The following TAFA4 variants were observed in gnomAD, a reference collection of about 807,000 sequenced individuals.
TAFA4 encodes the protein TAFA chemokine like family member 4.
In TAFA4, 20 loss-of-function variants were observed where a neutral mutation model predicts 21.1. The ratio of observed to expected loss-of-function variants is 0.95; its 90% CI spans 0.67 to 1.38. TAFA4 has a LOEUF of 1.38. TAFA4 is among the 40% of genes most tolerant of loss of function. TAFA4 has a pLI of 0.00. For synonymous variants in TAFA4, 71 were observed against 67.4 expected, an observed-to-expected ratio of 1.05 and a Z score of -0.26; for missense variants, 211 against 180.9, an observed-to-expected ratio of 1.17 and a Z score of -0.95.
chr3:68,803,797 C>CTGTTTTTTTTT (rs1703626423), intron 3 of TAFA4, among the ~76,000 whole-genome samples: 1 of 81,592 alleles, frequency 1.2e-5, no homozygotes, highest in African/African-American at 5.0e-5. Flanking sequence ...ATCTCTGATT[C>CTGTTTTTTTTT]TTTTTTTTTT....
chr3:68,894,470 A>C (rs551150238), intron 1 of TAFA4, among the ~76,000 whole-genome samples: 42 of 152,304 alleles, frequency 2.8e-4, no homozygotes, highest in African/African-American at 9.1e-4. Flanking sequence ...CTATAACACA[A>C]GTCTATGCTA....
intron 3 of TAFA4, among the ~76,000 whole-genome samples, chr3:68,843,599 T>A (rs1319392134): frequency 1.3e-5 from 2 of 152,206 alleles, no homozygotes; most frequent in African/African-American, 4.8e-5. Flanking sequence ...TTGTGCGAGT[T>A]TTCAAGGGGA....
At chr3:68,837,794 G>C (rs1704557265) in intron 3 of TAFA4, among the ~76,000 whole-genome samples, 1 of 151,982 alleles carries the variant, frequency 6.6e-6, no homozygotes, top group African/African-American at 2.4e-5. Flanking sequence ...AAATATCAAT[G>C]GGAGATTTGT....
At chr3:68,896,328 G>C (rs2089788822) in intron 1 of TAFA4, among the ~76,000 whole-genome samples, 1 of 152,102 alleles carries the variant, frequency 6.6e-6, no homozygotes, top group Non-Finnish European at 1.5e-5. Flanking sequence ...CTGATGTGGG[G>C]GCAGGATCGG....
At chr3:68,907,188 G>A (rs1278224992) in intron 1 of TAFA4, among the ~76,000 whole-genome samples, 1 of 152,130 alleles carries the variant, frequency 6.6e-6, no homozygotes, top group Non-Finnish European at 1.5e-5. Context: ...AAGCAAGGGA[G>A]AGAAGATTTG....
intron 1 of TAFA4, among the ~76,000 whole-genome samples, chr3:68,902,613 C>T (rs561825834): frequency 1.8e-3 from 275 of 152,316 alleles, no homozygotes; most frequent in African/African-American, 6.3e-3. Flanking sequence ...AGCAATCCAC[C>T]TACCACAGGC....
At chr3:68,826,187 C>T (rs1194156432) in intron 3 of TAFA4, among the ~76,000 whole-genome samples, 1 of 152,144 alleles carries the variant, frequency 6.6e-6, no homozygotes, top group Non-Finnish European at 1.5e-5. Flanking sequence ...AGTCGGAAGG[C>T]CCAGATTTGA....
intron 3 of TAFA4, among the ~76,000 whole-genome samples, chr3:68,828,702 G>A (rs1222626019): frequency 1.3e-5 from 2 of 152,158 alleles, no homozygotes; most frequent in Non-Finnish European, 1.5e-5. Flanking sequence ...GTACAGGAAT[G>A]CTTGTGATTT....
At chr3:68,876,135 T>C (rs569490250) in intron 3 of TAFA4, among the ~76,000 whole-genome samples, 1 of 152,342 alleles carries the variant, frequency 6.6e-6, no homozygotes, top group South Asian at 2.1e-4. Flanking sequence ...TATTGAGCAC[T>C]TGAAACGTGG....
chr3:68,747,545 G>T (rs766264530), intron 4 of TAFA4, among the ~76,000 whole-genome samples: 3 of 152,142 alleles, frequency 2.0e-5, no homozygotes, highest in Non-Finnish European at 4.4e-5. Context: ...GGCCTCCCCA[G>T]CCACGTGGAA....
At chr3:68,919,679 G>A (rs2090039679) in intron 1 of TAFA4, among the ~76,000 whole-genome samples, 1 of 152,178 alleles carries the variant, frequency 6.6e-6, no homozygotes, top group African/African-American at 2.4e-5. Context: ...CTCTCACGGT[G>A]AACAGCAAGA....
At chr3:68,789,500 A>G (rs1433833923) in intron 3 of TAFA4, among the ~76,000 whole-genome samples, 2 of 152,196 alleles carry the variant, frequency 1.3e-5, no homozygotes, top group South Asian at 2.1e-4. Flanking sequence ...TTCACAATGT[A>G]TATGTATATC....
chr3:68,895,624 C>G (rs1231589335), intron 1 of TAFA4, among the ~76,000 whole-genome samples: 1 of 150,266 alleles, frequency 6.7e-6, no homozygotes, highest in Non-Finnish European at 1.5e-5. Context: ...GGAACTTAGA[C>G]AGAAGAGCTA....
At chr3:68,744,934 G>GCAAATATATATATTTTC (rs1702429510) in intron 4 of TAFA4, among the ~76,000 whole-genome samples, 1 of 152,090 alleles carries the variant, frequency 6.6e-6, no homozygotes, top group African/African-American at 2.4e-5. Flanking sequence ...AGTCCTATTT[G>GCAAATATATATATTTTC]CAAATATATA....
chr3:68,751,857 A>C (rs1301723240), intron 4 of TAFA4, among the ~76,000 whole-genome samples: 4 of 152,248 alleles, frequency 2.6e-5, no homozygotes, highest in Admixed American at 2.6e-4. Context: ...AAATATGAGC[A>C]AAGTCTGAAT....
intron 3 of TAFA4, among the ~76,000 whole-genome samples, chr3:68,824,670 C>G (rs535841042): frequency 6.6e-6 from 1 of 152,302 alleles, no homozygotes; most frequent in African/African-American, 2.4e-5. Context: ...CTACCACACA[C>G]TAAATACCAG....
At chr3:68,786,407 A>G (rs936503467) in intron 3 of TAFA4, among the ~76,000 whole-genome samples, 1 of 152,210 alleles carries the variant, frequency 6.6e-6, no homozygotes, top group African/African-American at 2.4e-5. Context: ...TTGAGGCTGC[A>G]GTGTGCTACA....
At chr3:68,839,371 G>T (rs1280698115) in intron 3 of TAFA4, among the ~76,000 whole-genome samples, 3 of 152,116 alleles carry the variant, frequency 2.0e-5, no homozygotes, top group Non-Finnish European at 4.4e-5. Context: ...ATTATATGGG[G>T]AATAGTGTTA....
At chr3:68,832,746 C>T (rs1489167942) in intron 3 of TAFA4, among the ~76,000 whole-genome samples, 3 of 152,230 alleles carry the variant, frequency 2.0e-5, no homozygotes, top group Non-Finnish European at 2.9e-5. Context: ...TTTAAGTCTG[C>T]GGAAGCTGTC....
Sources: allele counts gnomAD v4.1 joint callset (sites outside exome capture counted in the v4.1 genomes callset), GRCh38; gene constraint gnomAD v4.1.1; transcripts MANE v1.5; gene names NCBI Gene and HGNC (gene_info 2026-07-23, HGNC 2026-07-21).